The following GALNT17 variants were observed in gnomAD, a reference collection of about 807,000 sequenced individuals.
GALNT17 encodes polypeptide N-acetylgalactosaminyltransferase 17.
GALNT17 carries 29 observed loss-of-function variants against 63.7 expected under a neutral mutation model. That is an observed-to-expected ratio of 0.46 (90% CI 0.34 to 0.62). The LOEUF (loss-of-function observed/expected upper bound fraction) is 0.62. Among genes scored for constraint, GALNT17 ranks in the 20% least tolerant of loss-of-function variants. GALNT17 has a pLI of 0.01. For synonymous variants in GALNT17, 305 were observed against 318.3 expected (o/e 0.96, Z 0.45); for missense variants, 603 against 799.6 (o/e 0.75, Z 2.97).
chr7:71,636,770 G>T (rs771945900), intron 6 of GALNT17, among the ~76,000 whole-genome samples: 2 of 152,158 alleles, frequency 1.3e-5, no homozygotes, highest in African/African-American at 2.4e-5. Context: ...TGGGATATTG[G>T]TCCAGAAAAT....
At chr7:71,362,630 G>A (rs931213518) in intron 2 of GALNT17, among the ~76,000 whole-genome samples, 2 of 152,180 alleles carry the variant, frequency 1.3e-5, no homozygotes, top group African/African-American at 4.8e-5. Flanking sequence ...TGATTCAGAT[G>A]AAGACTTGCT....
intron 5 of GALNT17, among the ~76,000 whole-genome samples, chr7:71,476,442 A>G (rs1393007171): frequency 1.3e-5 from 2 of 152,028 alleles, no homozygotes; most frequent in Non-Finnish European, 1.5e-5. Flanking sequence ...ATACTTACTC[A>G]CAAATCCCCT....
intron 5 of GALNT17, among the ~76,000 whole-genome samples, chr7:71,449,112 T>TTTTTTC (rs1046211858): frequency 1.7e-5 from 2 of 117,360 alleles, no homozygotes; most frequent in Non-Finnish European, 3.5e-5. Flanking sequence ...TATTTTCTTT[T>TTTTTTC]TTTTTTTTTT....
At chr7:71,678,268 GCT>G (rs1562732925) in intron 9 of GALNT17, among the ~76,000 whole-genome samples, 1 of 151,738 alleles carries the variant, frequency 6.6e-6, no homozygotes, top group East Asian at 2.0e-4. Context: ...GAGATTACAG[GCT>G]TGCACCACCC....
At chr7:71,424,939 G>T (rs922652478) in intron 5 of GALNT17, among the ~76,000 whole-genome samples, 1 of 152,160 alleles carries the variant, frequency 6.6e-6, no homozygotes, top group African/African-American at 2.4e-5. Flanking sequence ...TGCATTAAGG[G>T]AATTGATAAT....
chr7:71,223,495 T>G (rs549072478), intron 1 of GALNT17, among the ~76,000 whole-genome samples: 1 of 152,336 alleles, frequency 6.6e-6, no homozygotes, highest in African/African-American at 2.4e-5. Flanking sequence ...TTCTGTGCCC[T>G]TTTGACATGA....
chr7:71,500,049 G>T (rs551894079), intron 5 of GALNT17, among the ~76,000 whole-genome samples: 1 of 152,134 alleles, frequency 6.6e-6, no homozygotes, highest in Non-Finnish European at 1.5e-5. Context: ...CCAGCCATGC[G>T]GAGCTGTGAG....
intron 2 of GALNT17, among the ~76,000 whole-genome samples, chr7:71,379,873 C>T (rs1015561666): frequency 5.9e-5 from 9 of 151,844 alleles, no homozygotes; most frequent in Non-Finnish European, 1.3e-4. Context: ...TCACCCAGGA[C>T]CCGTTTATGA....
At chr7:71,403,991 G>A (rs1041287263) in intron 3 of GALNT17, among the ~76,000 whole-genome samples, 16 of 152,198 alleles carry the variant, frequency 1.1e-4, no homozygotes, top group Non-Finnish European at 1.6e-4. Flanking sequence ...AAATTCACGT[G>A]TTATTATTAG....
chr7:71,471,030 G>A (rs1426970074), intron 5 of GALNT17, among the ~76,000 whole-genome samples: 1 of 151,978 alleles, frequency 6.6e-6, no homozygotes, highest in African/African-American at 2.4e-5. Context: ...TTCTTAGCCT[G>A]CATTCTTCTA....
intron 1 of GALNT17, among the ~76,000 whole-genome samples, chr7:71,143,729 T>G (rs1334779782): frequency 1.3e-5 from 2 of 151,808 alleles, no homozygotes; most frequent in Non-Finnish European, 2.9e-5. Context: ...TGGGGATGAT[T>G]GGGAGAGTGG....
intron 5 of GALNT17, among the ~76,000 whole-genome samples, chr7:71,538,877 G>A (rs976288387): frequency 6.6e-6 from 1 of 151,934 alleles, no homozygotes; most frequent in African/African-American, 2.4e-5. Flanking sequence ...TGGGAGAGAG[G>A]GAGGGAGGGA....
At chr7:71,473,254 G>A (rs1787670935) in intron 5 of GALNT17, among the ~76,000 whole-genome samples, 1 of 152,166 alleles carries the variant, frequency 6.6e-6, no homozygotes, top group Admixed American at 6.5e-5. Flanking sequence ...GCCTCCAGGT[G>A]GCAGGCTTCA....
chr7:71,403,640 C>T (rs1312836549), intron 3 of GALNT17, among the ~76,000 whole-genome samples: 1 of 152,146 alleles, frequency 6.6e-6, no homozygotes, highest in East Asian at 1.9e-4. Context: ...TTCACACTGC[C>T]TTTGACCTTG....
At chr7:71,499,684 T>C (rs2116697586) in intron 5 of GALNT17, among the ~76,000 whole-genome samples, 1 of 152,346 alleles carries the variant, frequency 6.6e-6, no homozygotes, top group African/African-American at 2.4e-5. Flanking sequence ...TCCCGATTTC[T>C]CTTCATCTAT....
In GALNT17 at chr7:71,572,516, A is replaced by C. The variant is rs867118412; in HGVS notation, c.1080+1114A>C. ...GACCCTGTCTCATTAAAAAAAAAAAAAAAAAAAAAAAAAACTACATGTTTA... is the reference window on the plus strand; with the variant it reads ...GACCCTGTCTCATTAAAAAAAAAAACAAAAAAAAAAAAAACTACATGTTTA... On this transcript the variant is annotated intron_variant, in intron 6 of 10. Transcript: ENST00000333538. 4.0e-3 allele frequency among the ~76,000 whole-genome samples: 398 copies of C among 99,360 alleles called. 7 individuals are homozygous for C. The highest frequency in any genetic ancestry group is 0.024 in the East Asian group (110 of 4,536). 65.2% of individuals were successfully genotyped at this position (99,360 alleles called of 152,430 possible).
At chr7:71,144,245 C>G (rs1585835515) in intron 1 of GALNT17, among the ~76,000 whole-genome samples, 1 of 152,112 alleles carries the variant, frequency 6.6e-6, no homozygotes, top group African/African-American at 2.4e-5. Flanking sequence ...CCCTTGTCAG[C>G]TCCTCGAGTA....
At chr7:71,456,952 G>A (rs57276588) in intron 5 of GALNT17, among the ~76,000 whole-genome samples, 1 of 152,154 alleles carries the variant, frequency 6.6e-6, no homozygotes, top group South Asian at 2.1e-4. Flanking sequence ...GAAGCGGGGG[G>A]TTCCAGGTCA....
intron 6 of GALNT17, among the ~76,000 whole-genome samples, chr7:71,602,288 T>C (rs1353516092): frequency 6.6e-6 from 1 of 152,196 alleles, no homozygotes; most frequent in Non-Finnish European, 1.5e-5. Flanking sequence ...AGACCCCAAA[T>C]GTTGGCTCTT....
Sources: allele counts gnomAD v4.1 joint callset (sites outside exome capture counted in the v4.1 genomes callset), GRCh38; gene constraint gnomAD v4.1.1; transcripts MANE v1.5; gene names NCBI Gene and HGNC (gene_info 2026-07-23, HGNC 2026-07-21).